ZNF385D: variants seen among roughly 807,000 people sequenced by gnomAD.
ZNF385D encodes the protein zinc finger protein 659.
Under a neutral mutation model 35.8 loss-of-function variants are expected in ZNF385D, and 15 were observed. That is an observed-to-expected ratio of 0.42 (90% CI 0.28 to 0.64). The LOEUF is 0.64. ZNF385D is among the 30% of genes least tolerant of loss of function. ZNF385D has a pLI of 0.23. For missense variants in ZNF385D, 474 were observed against 494.6 expected, an observed-to-expected ratio of 0.96 and a Z score of 0.39; for synonymous variants, 212 against 186.8, an observed-to-expected ratio of 1.13 and a Z score of -1.10.
chr3:21,815,902 C>G (rs944268998), intron 3 of ZNF385D, among the ~76,000 whole-genome samples: 1 of 152,184 alleles, frequency 6.6e-6, no homozygotes. Flanking sequence ...AGACCAATAT[C>G]CCTGATGAAC....
intron 3 of ZNF385D, among the ~76,000 whole-genome samples, chr3:21,867,093 G>A (rs911395788): frequency 6.6e-6 from 1 of 152,066 alleles, no homozygotes; most frequent in South Asian, 2.1e-4. Flanking sequence ...TGTCTAGTGA[G>A]GGCCTTGCTG....
At chr3:21,558,689 C>G (rs2062829969) in intron 3 of ZNF385D, among the ~76,000 whole-genome samples, 1 of 152,044 alleles carries the variant, frequency 6.6e-6, no homozygotes, top group Non-Finnish European at 1.5e-5. Context: ...GAGCTGAGTT[C>G]TGAATATCTT....
At chr3:22,252,685 G>A (rs994341149) in intron 2 of ZNF385D, among the ~76,000 whole-genome samples, 1 of 152,070 alleles carries the variant, frequency 6.6e-6, no homozygotes, top group East Asian at 1.9e-4. Flanking sequence ...TTTGGCTACT[G>A]AAGGCTGATT....
chr3:22,159,317 A>C (rs1705796414), intron 3 of ZNF385D, among the ~76,000 whole-genome samples: 1 of 152,078 alleles, frequency 6.6e-6, no homozygotes, highest in Admixed American at 6.6e-5. Context: ...AATTTAATTC[A>C]TTCTCTTTTC....
At chr3:21,910,441 T>C (rs534721219) in intron 3 of ZNF385D, among the ~76,000 whole-genome samples, 1 of 152,092 alleles carries the variant, frequency 6.6e-6, no homozygotes, top group East Asian at 1.9e-4. Context: ...CTTAAACCAT[T>C]TGAAATATTA....
chr3:21,816,592 A>C (rs140563031), intron 3 of ZNF385D, among the ~76,000 whole-genome samples: 155 of 152,338 alleles, frequency 1.0e-3, no homozygotes, highest in Non-Finnish European at 8.2e-4. Flanking sequence ...CAATTGCTTC[A>C]AGGAGAATAA....
intron 3 of ZNF385D, among the ~76,000 whole-genome samples, chr3:22,162,152 G>T (rs1451414833): frequency 6.6e-6 from 1 of 152,120 alleles, no homozygotes; most frequent in Non-Finnish European, 1.5e-5. Context: ...AAGAGTTAAG[G>T]AAAGTATTAA....
chr3:22,044,564 T>C (rs927339013), intron 3 of ZNF385D, among the ~76,000 whole-genome samples: 1 of 152,142 alleles, frequency 6.6e-6, no homozygotes, highest in Admixed American at 6.6e-5. Flanking sequence ...TGTATCCTTA[T>C]GTTTTGGAGA....
intron 3 of ZNF385D, among the ~76,000 whole-genome samples, chr3:22,132,343 G>A (rs1306033801): frequency 6.6e-6 from 1 of 152,114 alleles, no homozygotes; most frequent in Non-Finnish European, 1.5e-5. Flanking sequence ...ATCTGCTGGT[G>A]TTCTAATTTT....
intron 3 of ZNF385D, among the ~76,000 whole-genome samples, chr3:21,875,928 C>T (rs765867779): frequency 6.6e-6 from 1 of 152,044 alleles, no homozygotes; most frequent in Non-Finnish European, 1.5e-5. Flanking sequence ...CATTTAGAAA[C>T]CTTAATATCA....
intron 2 of ZNF385D, among the ~76,000 whole-genome samples, chr3:22,261,785 C>T (rs1443342988): frequency 6.6e-6 from 1 of 151,910 alleles, no homozygotes; most frequent in Non-Finnish European, 1.5e-5. Context: ...GCTTCTTCAA[C>T]AGCAATAAGG....
intron 3 of ZNF385D, among the ~76,000 whole-genome samples, chr3:21,810,522 T>C (rs903683634): frequency 6.6e-6 from 1 of 152,006 alleles, no homozygotes; most frequent in Non-Finnish European, 1.5e-5. Context: ...TAAAGTATAA[T>C]AAAAAAACTA....
intron 1 of ZNF385D, among the ~76,000 whole-genome samples, chr3:21,730,180 C>T (rs2068931667): frequency 6.6e-6 from 1 of 152,204 alleles, no homozygotes; most frequent in Admixed American, 6.5e-5. Context: ...AACTGAACAA[C>T]CTGACCACAG....
chr3:22,318,387 T>C (rs927923708), intron 2 of ZNF385D, among the ~76,000 whole-genome samples: 9 of 152,160 alleles, frequency 5.9e-5, no homozygotes, highest in East Asian at 3.9e-4. Flanking sequence ...TCAGATAACC[T>C]TGATCGATCA....
Position 21,832,396 on chromosome 3 carries a change from T to C in ZNF385D, c.326-167368A>G, listed in dbSNP as rs6762404. 4.0e-3 allele frequency among the ~76,000 whole-genome samples: 603 copies of C among 152,308 alleles called. 5 individuals are homozygous for C. The highest frequency in any genetic ancestry group is 0.014 in the African/African-American group (571 of 41,568). ...ATAATGAACATTTTTAAACAAATAA[T>C]TTGAAAATTGCTAGGGCTTGCTGTG... On this transcript the variant is annotated intron_variant, in intron 3 of 5. Transcript: ENST00000494108.
At chr3:21,976,298 C>T (rs537634265) in intron 3 of ZNF385D, among the ~76,000 whole-genome samples, 2 of 152,136 alleles carry the variant, frequency 1.3e-5, no homozygotes, top group East Asian at 3.9e-4. Context: ...ACAACAGAAA[C>T]ATATCTACAT....
chr3:21,844,684 C>G (rs1411361261), intron 3 of ZNF385D, among the ~76,000 whole-genome samples: 2 of 151,920 alleles, frequency 1.3e-5, no homozygotes, highest in Non-Finnish European at 2.9e-5. Context: ...TGCTTAAAAT[C>G]TGAAATATTG....
chr3:22,110,386 C>G (rs567139496), intron 3 of ZNF385D, among the ~76,000 whole-genome samples: 1 of 152,008 alleles, frequency 6.6e-6, no homozygotes, highest in African/African-American at 2.4e-5. Context: ...TTGGAACCAA[C>G]CCAAATGTCC....
At chr3:21,438,733 A>G (rs1003557091) in intron 4 of ZNF385D, among the ~76,000 whole-genome samples, 1 of 152,114 alleles carries the variant, frequency 6.6e-6, no homozygotes, top group Admixed American at 6.6e-5. Flanking sequence ...TCAGTGTCAT[A>G]AAGAACATTC....
Sources: gnomAD v4.1 joint callset for allele counts (sites outside exome capture counted in the v4.1 genomes callset) on GRCh38, gnomAD v4.1.1 for gene constraint, MANE v1.5 for transcripts, NCBI Gene and HGNC (gene_info 2026-07-23, HGNC 2026-07-21) for gene names.